The following YWHAG variants were observed in gnomAD, a reference collection of about 807,000 sequenced individuals.
YWHAG encodes the protein tyrosine 3-monooxygenase/tryptophan 5-monooxygenase activation protein gamma.
YWHAG carries 1 observed loss-of-function variant against 23.3 expected under a neutral mutation model. The observed-to-expected ratio is 0.04, with a 90% confidence interval of 0.02 to 0.20. YWHAG has a LOEUF of 0.20. YWHAG is among the 10% of genes least tolerant of loss of function. YWHAG has a pLI of 1.00. For synonymous variants in YWHAG, 160 were observed against 144.0 expected, an observed-to-expected ratio of 1.11 and a Z score of -0.80; for missense variants, 151 against 338.6, an observed-to-expected ratio of 0.45 and a Z score of 4.35.
chr7:76,328,611 G>A lies in YWHAG; in HGVS notation c.*966C>T, dbSNP rs1413238853. Reference sequence around the variant, plus strand: ...GCAGTAGGAAACGCCCCAGTGCAGAGTGGGTGACGGCAGTGTGATCCCTGA... The same window carrying A: ...GCAGTAGGAAACGCCCCAGTGCAGAATGGGTGACGGCAGTGTGATCCCTGA... On this transcript the variant is annotated 3_prime_UTR_variant, in exon 2 of 2. Coordinates refer to ENST00000307630, the MANE Select transcript of YWHAG (RefSeq NM_012479.4). The A allele has an allele frequency of 6.6e-6, 1 of 152,246 alleles. No individual in the cohort carries two copies. The highest frequency in any genetic ancestry group is 1.9e-4 in the East Asian group (1 of 5,196). The allele number at this position is 152,246 out of a possible 1,614,324, so 9.4% of individuals were successfully genotyped here. A position where few individuals can be genotyped will look rare whatever the true frequency, so the allele number is the denominator to read the frequency against.
intron 1 of YWHAG, among the ~76,000 whole-genome samples, chr7:76,346,853 G>A (rs747684340): frequency 1.3e-5 from 2 of 152,112 alleles, no homozygotes; most frequent in Non-Finnish European, 2.9e-5. Flanking sequence ...AAGGCCCTTC[G>A]TGAACTGTTT....
chr7:76,345,924 G>C (rs1191314926), intron 1 of YWHAG, among the ~76,000 whole-genome samples: 1 of 152,108 alleles, frequency 6.6e-6, no homozygotes, highest in African/African-American at 2.4e-5. Context: ...CTGGGCTACA[G>C]AGTGAAACTC....
rs1245990586 is a variant in YWHAG, at chr7:76,349,418, TACACACACACACACACACACACACAG to T, written c.87+9278_87+9303del. Among the ~76,000 whole-genome samples the T allele has an allele frequency of 2.1e-3, 305 of 147,154 alleles. 3 individuals carry two copies. The highest frequency in any genetic ancestry group is 7.1e-3 in the African/African-American group (282 of 39,850). ...ACGCGTTTTGGTCATCATTTATTAATACACACACACACACACACACACACAGACACACACACACACACACACACAGC... is the reference window on the plus strand; with the variant it reads ...ACGCGTTTTGGTCATCATTTATTAATACACACACACACACACACACACAGC... On this transcript the variant is annotated intron_variant, in intron 1 of 1. Transcript: ENST00000307630.
chr7:76,336,433 T>G (rs1299044580), intron 1 of YWHAG, among the ~76,000 whole-genome samples: 1 of 150,006 alleles, frequency 6.7e-6, no homozygotes, highest in Non-Finnish European at 1.5e-5. Flanking sequence ...AATCCAAAAC[T>G]GCTCTAAGAA....
At chr7:76,331,412 C>G (rs574902569) in intron 1 of YWHAG, among the ~76,000 whole-genome samples, 18 of 152,234 alleles carry the variant, frequency 1.2e-4, no homozygotes, top group African/African-American at 4.3e-4. Context: ...CAGGTAGGGA[C>G]CTAGAATCCA....
intron 1 of YWHAG, among the ~76,000 whole-genome samples, chr7:76,345,738 C>T (rs1437004064): frequency 6.6e-6 from 1 of 151,998 alleles, no homozygotes; most frequent in Non-Finnish European, 1.5e-5. Flanking sequence ...GTCTTCAAAA[C>T]CGGCCTGGCC....
intron 1 of YWHAG, among the ~76,000 whole-genome samples, chr7:76,349,358 C>G (rs1803837019): frequency 6.7e-6 from 1 of 148,216 alleles, no homozygotes; most frequent in Admixed American, 6.7e-5. Context: ...AAAAAAATAC[C>G]AAAAAGTACC....
intron 1 of YWHAG, 61 bp downstream of exon 1, chr7:76,358,661 A>C: frequency 6.7e-7 from 1 of 1,485,092 alleles, no homozygotes; most frequent in East Asian, 2.6e-5. Context: ...CGGGCCTTCC[A>C]CGCCAAGGAC....
Position 76,329,733 on chromosome 7 carries a change from C to T in YWHAG, c.588G>A (p.Leu196=). 1 of 1,614,118 alleles carries T rather than the reference C, an allele frequency of 6.2e-7. No homozygotes were observed. Among genetic ancestry groups the T allele is most frequent in the Non-Finnish European group, 8.5e-7 (1 of 1,180,020 alleles). Residue 196 remains leucine, a synonymous_variant, in exon 2 of 2, where the codon TTG becomes TTA. Coordinates refer to ENST00000307630, the MANE Select transcript of YWHAG (RefSeq NM_012479.4). The surrounding 1 kb of genome is among the most constrained non-coding windows in gnomAD (Gnocchi z 6.1). ...IQNAPEQACH[L]AKTAFDDAIA... is the part of the protein sequence containing the mutation. ...TGGCGTCGTCGAACGCGGTCTTGGC[C>T]AAGTGGCACGCTTGCTCTGGGGCGT... is the stretch of plus-strand genomic sequence containing the variant.
chr7:76,345,067 A>T (rs1803756478), intron 1 of YWHAG, among the ~76,000 whole-genome samples: 1 of 152,090 alleles, frequency 6.6e-6, no homozygotes, highest in Non-Finnish European at 1.5e-5. Flanking sequence ...AGGGAGGGGG[A>T]CACTGAGAGA....
intron 1 of YWHAG, among the ~76,000 whole-genome samples, chr7:76,350,585 T>C (rs528284780): frequency 6.6e-6 from 1 of 152,228 alleles, no homozygotes; most frequent in African/African-American, 2.4e-5. Context: ...GGCTCATGCC[T>C]GTAACCCCAG....
In YWHAG at chr7:76,354,090, A is replaced by G. The variant is rs571475295; in HGVS notation, c.87+4632T>C. ...AAAAAAAACAAAAAACAAGCAATCA[A>G]ACGCACACATAATTATAGACTGGAA... On this transcript the variant is annotated intron_variant, in intron 1 of 1. Transcript: ENST00000307630. Among the ~76,000 whole-genome samples the G allele has an allele frequency of 2.0e-5, 3 of 151,908 alleles. No individual in the cohort carries two copies. The South Asian group carries it at 6.2e-4, about 32-fold the overall frequency.
At chr7:76,332,794 C>G (rs1255535644) in intron 1 of YWHAG, among the ~76,000 whole-genome samples, 2 of 151,904 alleles carry the variant, frequency 1.3e-5, no homozygotes, top group Non-Finnish European at 2.9e-5. Flanking sequence ...GCAACCTCCC[C>G]CCAAGTTCAA....
chr7:76,343,947 T>C (rs1219984375), intron 1 of YWHAG, among the ~76,000 whole-genome samples: 1 of 152,180 alleles, frequency 6.6e-6, no homozygotes. Context: ...AGCTCCAAAC[T>C]AAACTGACTT....
At chr7:76,331,511 T>G (rs1351197151) in intron 1 of YWHAG, among the ~76,000 whole-genome samples, 6 of 151,976 alleles carry the variant, frequency 3.9e-5, no homozygotes, top group African/African-American at 1.5e-4. Context: ...CAACACAAAT[T>G]CGTAAACTCT....
rs1000332025 is a variant in YWHAG at position 76,327,336 on chromosome 7, C to T, written c.*2241G>A. On this transcript the variant is annotated 3_prime_UTR_variant, in exon 2 of 2. Coordinates refer to ENST00000307630, the MANE Select transcript of YWHAG (RefSeq NM_012479.4). Reference sequence around the variant, plus strand: ...CAAGCTACTGTATAGAAATACAACACTAGCATGCACAATATTGTATCAATA... The same window carrying T: ...CAAGCTACTGTATAGAAATACAACATTAGCATGCACAATATTGTATCAATA... 4 of 152,040 alleles carry T rather than the reference C, an allele frequency of 2.6e-5. No individual in the cohort carries two copies. Among genetic ancestry groups the T allele is most frequent in the African/African-American group, 9.7e-5 (4 of 41,382 alleles). The allele number at this position is 152,040 out of a possible 1,614,324, so 9.4% of individuals were successfully genotyped here.
intron 1 of YWHAG, among the ~76,000 whole-genome samples, chr7:76,345,776 A>C (rs1455128358): frequency 6.6e-6 from 1 of 151,978 alleles, no homozygotes; most frequent in Non-Finnish European, 1.5e-5. Context: ...CTCTACTAAA[A>C]ATACAAAAAT....
chr7:76,354,361 A>G (rs1463961141), intron 1 of YWHAG, among the ~76,000 whole-genome samples: 1 of 151,746 alleles, frequency 6.6e-6, no homozygotes, highest in Non-Finnish European at 1.5e-5. Flanking sequence ...AACTACAAAA[A>G]TTCACTGGGC....
chr7:76,343,734 G>A (rs1803734307), intron 1 of YWHAG, among the ~76,000 whole-genome samples: 1 of 152,192 alleles, frequency 6.6e-6, no homozygotes, highest in African/African-American at 2.4e-5. Context: ...AAGCAAGTAT[G>A]AGATAGGCAA....
Sources: gnomAD v4.1 joint callset for allele counts (sites outside exome capture counted in the v4.1 genomes callset) on GRCh38, gnomAD v4.1.1 for gene constraint, Gnocchi (gnomAD v3.1) non-coding constraint, MANE v1.5 for transcripts, NCBI Gene and HGNC (gene_info 2026-07-23, HGNC 2026-07-21) for gene names.